MAD1L1: variants seen among roughly 807,000 people sequenced by gnomAD.
MAD1L1 encodes the protein mitotic spindle assembly checkpoint protein MAD1.
In MAD1L1, 95 loss-of-function variants were observed where a neutral mutation model predicts 96.9. That is an observed-to-expected ratio of 0.98 (90% CI 0.83 to 1.16). The LOEUF (loss-of-function observed/expected upper bound fraction) is 1.16, where lower values mean the gene tolerates loss of function less well. MAD1L1 is among the 50% of genes most tolerant of loss of function. MAD1L1 has a pLI of 0.00. For synonymous variants in MAD1L1, 473 were observed against 396.6 expected (o/e 1.19, Z -2.29); for missense variants, 1,007 against 954.4 (o/e 1.06, Z -0.73).
At position 2,216,367 on chromosome 7, in the gene MAD1L1, G is replaced by C. The variant is rs543024472; in HGVS notation, c.679-80C>G. 3.0e-5 allele frequency: 44 copies of C among 1,452,342 alleles called. No homozygotes were observed. In the South Asian group the frequency reaches 4.9e-4, roughly 16 times the overall value. The allele number at this position is 1,452,342 out of a possible 1,614,324, so 90.0% of individuals were successfully genotyped here. A position where few individuals can be genotyped will look rare whatever the true frequency, so the allele number is the denominator to read the frequency against. On this transcript the variant is annotated intron_variant, in intron 7 of 18. Transcript: ENST00000265854. ...GAGAAAATCACACGCACACGGCTAA[G>C]AGAAGGAAGCCGGTCTGCAACGGCT... is the stretch of plus-strand genomic sequence containing the variant.
At chr7:1,887,878 T>TGTGTGTATGTG (rs1562491983) in intron 18 of MAD1L1, among the ~76,000 whole-genome samples, 543 of 23,982 alleles carry the variant, frequency 0.023, 7 homozygotes, top group African/African-American at 0.1. Context: ...TGTGCAAGCA[T>TGTGTGTATGTG]GCGTGTGTGT....
chr7:2,054,989 G>A (rs1188600653), intron 12 of MAD1L1, among the ~76,000 whole-genome samples: 1 of 152,204 alleles, frequency 6.6e-6, no homozygotes, highest in Non-Finnish European at 1.5e-5. Flanking sequence ...CCGAGCGGTG[G>A]GGCCGGGACT....
Position 2,220,740 on chromosome 7 carries a change from CCCCACATG to C in MAD1L1, c.472-1292_472-1285del, listed in dbSNP as rs1294632110. ...AAGGCCCGCATGGGGGCTGCGTGCTCCCCACATGCCCACAATATGTACGGTTTACTTCA... is the reference window on the plus strand; with the variant it reads ...AAGGCCCGCATGGGGGCTGCGTGCTCCCCACAATATGTACGGTTTACTTCA... On this transcript the variant is annotated intron_variant, in intron 5 of 18. Coordinates refer to ENST00000265854, the MANE Select transcript of MAD1L1 (RefSeq NM_001013836.2). 28 of 902,576 alleles carry C rather than the reference CCCCACATG, an allele frequency of 3.1e-5. No homozygotes were observed. In the Admixed American group the frequency reaches 7.1e-4, roughly 23 times the overall value. 55.9% of individuals were successfully genotyped at this position (902,576 alleles called of 1,614,324 possible).
rs1781764405 is a variant in MAD1L1 at position 1,815,837 on chromosome 7, C to G, written c.*233G>C. On this transcript the variant is annotated 3_prime_UTR_variant, in exon 19 of 19. Transcript: ENST00000265854. ...TATTTCACAAGGTGAGGAACCCAGG[C>G]TGGTGGCCGACGCCCACACACCAGG... 3 of 535,926 alleles carry G rather than the reference C, an allele frequency of 5.6e-6. No homozygotes were observed. Among genetic ancestry groups the G allele is most frequent in the Non-Finnish European group, 6.6e-6 (2 of 301,208 alleles). 33.2% of individuals were successfully genotyped at this position (535,926 alleles called of 1,614,324 possible). A position where few individuals can be genotyped will look rare whatever the true frequency, so the allele number is the denominator to read the frequency against.
At chr7:2,050,952 C>A (rs1466067872) in intron 12 of MAD1L1, among the ~76,000 whole-genome samples, 2 of 152,218 alleles carry the variant, frequency 1.3e-5, no homozygotes, top group Non-Finnish European at 2.9e-5. Context: ...GGGAACCATG[C>A]CTTTGAGCAT....
At chr7:2,167,746 A>T (rs940208902) in intron 10 of MAD1L1, among the ~76,000 whole-genome samples, 39 of 150,892 alleles carry the variant, frequency 2.6e-4, no homozygotes, top group African/African-American at 9.5e-4. Context: ...AAAAAACACA[A>T]TATTTTAGAC....
At chr7:1,913,225 G>A (rs1788132900) in intron 17 of MAD1L1, among the ~76,000 whole-genome samples, 2 of 152,172 alleles carry the variant, frequency 1.3e-5, no homozygotes, top group South Asian at 2.1e-4. Context: ...AAGAGGACAC[G>A]GAACTGCTCC....
At chr7:1,887,839 C>A (rs1436357026) in intron 18 of MAD1L1, among the ~76,000 whole-genome samples, 2 of 60,584 alleles carry the variant, frequency 3.3e-5, no homozygotes, top group African/African-American at 1.4e-4. Flanking sequence ...ATGTATGTGG[C>A]GTCCTGTGCG....
At chr7:1,858,727 C>T (rs1784379019) in intron 18 of MAD1L1, among the ~76,000 whole-genome samples, 1 of 152,228 alleles carries the variant, frequency 6.6e-6, no homozygotes, top group Non-Finnish European at 1.5e-5. Flanking sequence ...ACGAGGCCCA[C>T]AGGAAAGCCA....
intron 18 of MAD1L1, chr7:1,854,485 G>C: frequency 2.4e-6 from 1 of 411,664 alleles, no homozygotes; most frequent in Non-Finnish European, 4.9e-6. Flanking sequence ...CTTGGTGTTT[G>C]GTGATGGAGC....
chr7:1,948,217 A>G (rs758036926), intron 16 of MAD1L1, among the ~76,000 whole-genome samples: 49 of 152,168 alleles, frequency 3.2e-4, no homozygotes, highest in Non-Finnish European at 6.3e-4. Flanking sequence ...AGGCTTCACC[A>G]GAAGTGGAAA....
chr7:1,827,513 C>A lies in MAD1L1; in HGVS notation c.1999-11285G>T, dbSNP rs1307347326. On this transcript the variant is annotated intron_variant, in intron 18 of 18. Coordinates refer to ENST00000265854, the MANE Select transcript of MAD1L1 (RefSeq NM_001013836.2). ...CCTGAGCCCGTCCCGGGTGTGGGGT[C>A]CTCCCCTCCTGAGCCCGTCCCGGGT... Among the ~76,000 whole-genome samples, 538 of 134,948 alleles carry A rather than the reference C, an allele frequency of 4.0e-3. 16 individuals carry two copies. The highest frequency in any genetic ancestry group is 8.2e-3 in the Admixed American group (112 of 13,576). 88.5% of individuals were successfully genotyped at this position (134,948 alleles called of 152,430 possible). A position where few individuals can be genotyped will look rare whatever the true frequency, so the allele number is the denominator to read the frequency against.
intron 10 of MAD1L1, among the ~76,000 whole-genome samples, chr7:2,210,672 C>T (rs1246455592): frequency 1.3e-5 from 2 of 152,230 alleles, no homozygotes; most frequent in Non-Finnish European, 2.9e-5. Flanking sequence ...AGACACCCGC[C>T]CTGTGGAGCA....
At chr7:1,983,146 G>A (rs796722411) in intron 14 of MAD1L1, among the ~76,000 whole-genome samples, 137 of 130,968 alleles carry the variant, frequency 1.0e-3, no homozygotes, top group East Asian at 4.0e-3. Context: ...GCGCGCGCGC[G>A]CGCGCGCGCA....
intron 3 of MAD1L1, among the ~76,000 whole-genome samples, chr7:2,229,206 A>G (rs1421051715): frequency 6.6e-6 from 1 of 152,224 alleles, no homozygotes; most frequent in African/African-American, 2.4e-5. Flanking sequence ...GGACCGCAGC[A>G]GGGACTGGGA....
chr7:2,070,575 C>T (rs1424622757), intron 11 of MAD1L1, among the ~76,000 whole-genome samples: 2 of 152,246 alleles, frequency 1.3e-5, no homozygotes, highest in East Asian at 3.8e-4. Flanking sequence ...CCCATCCCTA[C>T]TCAGACAGCC....
intron 11 of MAD1L1, among the ~76,000 whole-genome samples, chr7:2,133,362 G>A (rs1187794031): frequency 6.6e-6 from 1 of 152,274 alleles, no homozygotes; most frequent in Non-Finnish European, 1.5e-5. Flanking sequence ...TGAGGCGCCT[G>A]TTCAGAGCTC....
At chr7:1,974,320 A>G (rs1214223175) in intron 15 of MAD1L1, among the ~76,000 whole-genome samples, 1 of 152,228 alleles carries the variant, frequency 6.6e-6, no homozygotes, top group African/African-American at 2.4e-5. Flanking sequence ...GGACCACCAA[A>G]CGCTTAAGGA....
intron 18 of MAD1L1, among the ~76,000 whole-genome samples, chr7:1,837,008 A>G (rs1782968994): frequency 6.6e-6 from 1 of 152,252 alleles, no homozygotes. Flanking sequence ...TTCAAAAGAC[A>G]TTGTTAAGAG....
Sources: gnomAD v4.1 joint callset for allele counts (sites outside exome capture counted in the v4.1 genomes callset) on GRCh38, gnomAD v4.1.1 for gene constraint, MANE v1.5 for transcripts, NCBI Gene and HGNC (gene_info 2026-07-23, HGNC 2026-07-21) for gene names.